The following ATP10B variants were observed in gnomAD, a reference collection of about 807,000 sequenced individuals.
ATP10B encodes ATPase phospholipid transporting 10B (putative).
In ATP10B, 122 loss-of-function variants were observed where a neutral mutation model predicts 141.2. The ratio of observed to expected loss-of-function variants is 0.86; its 90% CI spans 0.75 to 1.00. The LOEUF is 1.00. Ranked by LOEUF, ATP10B falls within the 50% of genes least tolerant of loss-of-function variation. ATP10B has a pLI of 0.00. For synonymous variants in ATP10B, 685 were observed against 692.0 expected (o/e 0.99, Z 0.16); for missense variants, 1,876 against 1,825.3 (o/e 1.03, Z -0.51).
At chr5:160,616,717 C>A (rs4921309) in intron 16 of ATP10B, among the ~76,000 whole-genome samples, 12 of 152,104 alleles carry the variant, frequency 7.9e-5, no homozygotes, top group East Asian at 1.9e-4. Flanking sequence ...CAAATATTCC[C>A]TGAGTCCCTC....
chr5:160,809,695 C>T (rs1311137904), intron 1 of ATP10B, among the ~76,000 whole-genome samples: 1 of 152,106 alleles, frequency 6.6e-6, no homozygotes, highest in Non-Finnish European at 1.5e-5. Context: ...CTGGTTTTGA[C>T]TTCAAGATTA....
chr5:160,804,848 T>C (rs753789900), intron 1 of ATP10B, among the ~76,000 whole-genome samples: 15 of 152,350 alleles, frequency 9.8e-5, no homozygotes, highest in Non-Finnish European at 1.5e-4. Flanking sequence ...CTAGTTGGAT[T>C]ACAGCTGTCC....
chr5:160,632,372 A>G lies in ATP10B; in HGVS notation c.1382-5T>C, dbSNP rs749199569. The G allele has an allele frequency of 4.3e-6, 7 of 1,613,428 alleles. No homozygotes were observed. The highest frequency in any genetic ancestry group is 4.2e-6 in the Non-Finnish European group (5 of 1,179,434). Reference sequence around the variant, plus strand: ...TTGGGGTCTCCAGTCGCTTAGCTGCAAGAAAGGAGTCCTGTTATTGCACTA... The same window carrying G: ...TTGGGGTCTCCAGTCGCTTAGCTGCGAGAAAGGAGTCCTGTTATTGCACTA... On this transcript the variant is annotated splice_region_variant and splice_polypyrimidine_tract_variant and intron_variant, in intron 12 of 25. Coordinates refer to ENST00000327245, the MANE Select transcript of ATP10B (RefSeq NM_025153.3).
intron 7 of ATP10B, among the ~76,000 whole-genome samples, chr5:160,653,672 TTATATATACATATATACATATA>T (rs1761174732): frequency 6.5e-5 from 1 of 15,366 alleles, no homozygotes; most frequent in Non-Finnish European, 1.9e-4. Context: ...TACATATATA[TTATATATACATATATACATATA>T]TACATATACA....
intron 2 of ATP10B, among the ~76,000 whole-genome samples, chr5:160,770,188 A>C (rs1003890748): frequency 2.7e-5 from 4 of 146,670 alleles, no homozygotes; most frequent in Admixed American, 6.8e-5. Context: ...GTCCCTCTCT[A>C]TCCTCTCTCT....
At chr5:160,719,196 C>T (rs536088472) in intron 2 of ATP10B, among the ~76,000 whole-genome samples, 5 of 152,190 alleles carry the variant, frequency 3.3e-5, no homozygotes, top group African/African-American at 9.6e-5. Flanking sequence ...GTCAGGAGAT[C>T]GAGACCATCC....
In ATP10B at chr5:160,620,348, G is replaced by A. The variant is rs760382640; in HGVS notation, c.2415C>T (p.Cys805=). The A allele has an allele frequency of 2.3e-5, 37 of 1,605,636 alleles. No individual in the cohort carries two copies. In the Admixed American group the frequency reaches 3.4e-4, roughly 15 times the overall value. The change falls in exon 15 of 26, where the codon TGC becomes TGT. Residue 805 remains cysteine (C), a splice_region_variant and synonymous_variant. Coordinates refer to ENST00000327245, the MANE Select transcript of ATP10B (RefSeq NM_025153.3). ...GAACCCTGGTAAGGCAGGACTCACC[G>A]CAGGCTGGGTCTTCCAGCAGGTCCA... ...VIMDLLEDPA[C]VPDINMEKKL...
intron 22 of ATP10B, among the ~76,000 whole-genome samples, chr5:160,593,073 A>G (rs1475934121): frequency 6.6e-6 from 1 of 152,260 alleles, no homozygotes; most frequent in Non-Finnish European, 1.5e-5. Flanking sequence ...TGGTTCTCCC[A>G]GCACGCAGCT....
At position 160,649,252 on chromosome 5, in the gene ATP10B, A is replaced by G; in HGVS notation, c.680T>C (p.Val227Ala). The change falls in exon 8 of 26, where the codon GTA (valine) becomes GCA (alanine). Residue 227 changes from valine to alanine, a missense_variant. By Grantham distance (64) the Val-to-Ala change is moderately conservative. Transcript: ENST00000327245. ...CVVKGFSQQEVQFEPELFHNT... is the reference protein window; with the variant it reads ...CVVKGFSQQEAQFEPELFHNT... ...GTGGAAAAGCTCTGGTTCGAACTGT[A>G]CCTCCTGTGAGAGAGAGGACTCTGT... is the stretch of plus-strand genomic sequence containing the variant. 1 of 1,613,102 alleles carries G rather than the reference A, an allele frequency of 6.2e-7. No homozygotes were observed. The highest frequency in any genetic ancestry group is 8.5e-7 in the Non-Finnish European group (1 of 1,179,188).
rs930577135 is a variant in ATP10B, at chr5:160,717,035, C to T, written c.-330-1G>A. On this transcript the variant is annotated splice_acceptor_variant, in intron 2 of 25. Coordinates refer to ENST00000327245, the MANE Select transcript of ATP10B (RefSeq NM_025153.3). LOFTEE classifies it low-confidence loss of function (5UTR_SPLICE). ...TGTTGATCAGAATAAATTGCAAGTT[C>T]TGTAAGCAAGAAAAGAAAATATTGA... The T allele has an allele frequency of 2.0e-6, 2 of 985,208 alleles. No individual in the cohort carries two copies. Among genetic ancestry groups the T allele is most frequent in the African/African-American group, 3.5e-5 (2 of 57,220 alleles). 61.0% of individuals were successfully genotyped at this position (985,208 alleles called of 1,614,324 possible).
At chr5:160,728,523 T>A (rs951569119) in intron 2 of ATP10B, among the ~76,000 whole-genome samples, 2 of 152,190 alleles carry the variant, frequency 1.3e-5, no homozygotes, top group African/African-American at 4.8e-5. Flanking sequence ...CATGGCTCCA[T>A]GGGAAGAGGA....
chr5:160,707,461 C>T (rs1239062236), intron 3 of ATP10B, among the ~76,000 whole-genome samples: 1 of 152,156 alleles, frequency 6.6e-6, no homozygotes, highest in Non-Finnish European at 1.5e-5. Flanking sequence ...TGAAGGGACT[C>T]TCTGGTTATT....
the ATP10B span, among the ~76,000 whole-genome samples, chr5:160,864,741 A>T: frequency 1.3e-5 from 2 of 152,114 alleles, no homozygotes; most frequent in Non-Finnish European, 2.9e-5. Flanking sequence ...ATACAAAATC[A>T]GTTTACACAA....
chr5:160,645,427 G>A (rs995490723), intron 8 of ATP10B, among the ~76,000 whole-genome samples: 1 of 152,202 alleles, frequency 6.6e-6, no homozygotes, highest in Non-Finnish European at 1.5e-5. Flanking sequence ...CTCTCGTTCC[G>A]AGCCACATCA....
chr5:160,729,995 CTGA>C (rs1385816448), intron 2 of ATP10B, among the ~76,000 whole-genome samples: 1 of 152,162 alleles, frequency 6.6e-6, no homozygotes, highest in East Asian at 1.9e-4. Flanking sequence ...CCTTGAATCA[CTGA>C]TGATAACGGT....
At chr5:160,774,802 C>T (rs1421838857) in intron 2 of ATP10B, among the ~76,000 whole-genome samples, 2 of 152,178 alleles carry the variant, frequency 1.3e-5, no homozygotes, top group African/African-American at 4.8e-5. Context: ...TTGTGAAGGG[C>T]AAGGCCTCTT....
rs1766390938 is a variant in ATP10B at position 160,726,699 on chromosome 5, A to G, written c.-330-9665T>C. Reference sequence around the variant, plus strand: ...TAGGGGGGGAGGAGGAGGAGGAGAGATGAAGAAGAGAAGGCTGCAAGTGTG... The same window carrying G: ...TAGGGGGGGAGGAGGAGGAGGAGAGGTGAAGAAGAGAAGGCTGCAAGTGTG... On this transcript the variant is annotated intron_variant, in intron 2 of 25. Coordinates refer to ENST00000327245, the MANE Select transcript of ATP10B (RefSeq NM_025153.3). 1.3e-5 allele frequency among the ~76,000 whole-genome samples: 2 copies of G among 151,018 alleles called. 1 individual carries two copies. Among genetic ancestry groups the G allele is most frequent in the Non-Finnish European group, 3.0e-5 (2 of 67,764 alleles).
chr5:160,574,814 T>G (rs1362158400), intron 24 of ATP10B, among the ~76,000 whole-genome samples: 1 of 151,620 alleles, frequency 6.6e-6, no homozygotes, highest in Non-Finnish European at 1.5e-5. Flanking sequence ...TTTTTTTTTT[T>G]TGTGCCCTTC....
the ATP10B span, among the ~76,000 whole-genome samples, chr5:160,926,395 T>G: frequency 1.3e-5 from 2 of 152,232 alleles, no homozygotes; most frequent in Non-Finnish European, 2.9e-5. Flanking sequence ...GGGCTCTGAG[T>G]TGGCTTCTAA....
Sources: gnomAD v4.1 joint callset for allele counts (sites outside exome capture counted in the v4.1 genomes callset) on GRCh38, gnomAD v4.1.1 for gene constraint, MANE v1.5 for transcripts, NCBI Gene and HGNC (gene_info 2026-07-23, HGNC 2026-07-21) for gene names.